The following GDAP2 variants were observed in gnomAD, a reference collection of about 807,000 sequenced individuals.
GDAP2 encodes the protein ganglioside induced differentiation associated protein 2.
In GDAP2, 51 loss-of-function variants were observed where a neutral mutation model predicts 67.0. The observed-to-expected ratio is 0.76, with a 90% CI of 0.61 to 0.96. GDAP2 has a LOEUF of 0.96. Among genes scored for constraint, GDAP2 ranks in the 40% least tolerant of loss-of-function variants. The pLI is 0.00. For missense variants in GDAP2, 547 were observed against 588.3 expected (o/e 0.93, Z 0.73); for synonymous variants, 203 against 207.3 (o/e 0.98, Z 0.18).
In GDAP2 at chr1:117,920,383, TC is replaced by T; in HGVS notation, c.-27del. Reference sequence around the variant, plus strand: ...GGAATGGGAACTTTGATTTGTCTTTTCCCAAAATCCTCAGCAATTCAATATT... The same window carrying T: ...GGAATGGGAACTTTGATTTGTCTTTTCCAAAATCCTCAGCAATTCAATATT... On this transcript the variant is annotated 5_prime_UTR_variant, in exon 2 of 14. Transcript: ENST00000369443. 1 of 1,515,682 alleles carries T rather than the reference TC, an allele frequency of 6.6e-7. No homozygotes were observed. Among genetic ancestry groups the T allele is most frequent in the Non-Finnish European group, 9.0e-7 (1 of 1,109,298 alleles). 93.9% of individuals were successfully genotyped at this position (1,515,682 alleles called of 1,614,324 possible).
intron 2 of GDAP2, 87 bp from the exon 3 acceptor site, chr1:117,918,823 G>A (rs1650141705): frequency 2.7e-6 from 3 of 1,110,798 alleles, no homozygotes; most frequent in Non-Finnish European, 2.6e-6. Flanking sequence ...TTTTATCCTT[G>A]TCTTTTTCAA....
At chr1:117,894,179 G>A (rs181136037) in intron 8 of GDAP2, among the ~76,000 whole-genome samples, 2,068 of 147,008 alleles carry the variant, frequency 0.014, 28 homozygotes, top group Admixed American at 0.031. Context: ...TCTCTCTTTC[G>A]CCCAGGCAGG....
chr1:117,917,737 A>C (rs947497693), intron 3 of GDAP2, among the ~76,000 whole-genome samples: 1 of 152,190 alleles, frequency 6.6e-6, no homozygotes, highest in Non-Finnish European at 1.5e-5. Context: ...TATATTCTTT[A>C]TTATCCATAA....
At chr1:117,927,421 A>T (rs999976703) in intron 1 of GDAP2, among the ~76,000 whole-genome samples, 1 of 152,186 alleles carries the variant, frequency 6.6e-6, no homozygotes, top group Non-Finnish European at 1.5e-5. Context: ...AGAGAGAAAA[A>T]TGGTAACTTT....
chr1:117,906,369 TA>T, intron 6 of GDAP2, 136 bp downstream of exon 6: 1 of 579,554 alleles, frequency 1.7e-6, no homozygotes, highest in Middle Eastern at 3.5e-4. Flanking sequence ...TGAATGATTG[TA>T]AGACCCACTG....
At chr1:117,918,801 T>A in intron 2 of GDAP2, 65 bp from the exon 3 acceptor site, 1 of 1,266,444 alleles carries the variant, frequency 7.9e-7, no homozygotes, top group Non-Finnish European at 1.1e-6. Flanking sequence ...AGTTTCTAAT[T>A]ATTTCAAAAC....
At chr1:117,877,349 A>G in intron 13 of GDAP2, 1 of 982,750 alleles carries the variant, frequency 1.0e-6, no homozygotes. Context: ...ATAAGCAATC[A>G]GCAACAGTTA....
At chr1:117,916,291 T>G (rs1650042094) in intron 3 of GDAP2, among the ~76,000 whole-genome samples, 1 of 152,068 alleles carries the variant, frequency 6.6e-6, no homozygotes, top group Non-Finnish European at 1.5e-5. Flanking sequence ...CAACATCAAG[T>G]GCAAAACTGG....
In GDAP2 at chr1:117,886,665, A is replaced by T; in HGVS notation, c.1031-12T>A. The T allele has an allele frequency of 6.9e-7, 1 of 1,440,794 alleles. No individual in the cohort carries two copies. 89.3% of individuals were successfully genotyped at this position (1,440,794 alleles called of 1,614,324 possible). A position where few individuals can be genotyped will look rare whatever the true frequency, so the allele number is the denominator to read the frequency against. On this transcript the variant is annotated splice_polypyrimidine_tract_variant and intron_variant, in intron 9 of 13. Transcript: ENST00000369443. ...ACAGTTATCAACACCTATAAACAGG[A>T]AATGTCATCAGCACCCAGAAACTTC...
Position 117,881,817 on chromosome 1 carries a change from C to T in GDAP2, c.1302+6G>A, listed in dbSNP as rs1430263133. 2.0e-6 allele frequency: 3 copies of T among 1,472,366 alleles called. No homozygotes were observed. The highest frequency in any genetic ancestry group is 2.3e-5 in the South Asian group (2 of 88,040). 91.2% of individuals were successfully genotyped at this position (1,472,366 alleles called of 1,614,324 possible). ...CTAGATTTAACCAAAGAGAAAAATACTGTACCTTTGAACGAAATGTGGGAT... is the reference window on the plus strand; with the variant it reads ...CTAGATTTAACCAAAGAGAAAAATATTGTACCTTTGAACGAAATGTGGGAT... On this transcript the variant is annotated splice_donor_region_variant and intron_variant, in intron 12 of 13. Coordinates refer to ENST00000369443, the MANE Select transcript of GDAP2 (RefSeq NM_017686.4).
chr1:117,888,085 T>C (rs1226795643), intron 8 of GDAP2, among the ~76,000 whole-genome samples: 12 of 152,198 alleles, frequency 7.9e-5, no homozygotes, highest in Admixed American at 7.9e-4. Flanking sequence ...TAAAATACTA[T>C]TGTTTTCCTT....
chr1:117,891,706 G>C (rs1216045442), intron 8 of GDAP2, among the ~76,000 whole-genome samples: 6 of 151,940 alleles, frequency 3.9e-5, no homozygotes, highest in Non-Finnish European at 7.4e-5. Flanking sequence ...GTTTAAGCTT[G>C]GCTCTACTTT....
intron 6 of GDAP2, among the ~76,000 whole-genome samples, chr1:117,904,280 T>C (rs1649582544): frequency 6.6e-6 from 1 of 152,202 alleles, no homozygotes; most frequent in South Asian, 2.1e-4. Flanking sequence ...TGAGCCATTG[T>C]GTCTTTCTAA....
intron 10 of GDAP2, among the ~76,000 whole-genome samples, chr1:117,884,938 T>C (rs1648797672): frequency 6.6e-6 from 1 of 151,868 alleles, no homozygotes; most frequent in Non-Finnish European, 1.5e-5. Flanking sequence ...CTCTGCATCC[T>C]GGGCTCAAAT....
At chr1:117,884,770 CAG>C (rs1227493938) in intron 10 of GDAP2, among the ~76,000 whole-genome samples, 1 of 151,784 alleles carries the variant, frequency 6.6e-6, no homozygotes, top group East Asian at 1.9e-4. Flanking sequence ...TGATTACAAA[CAG>C]AAACTTACTA....
intron 1 of GDAP2, among the ~76,000 whole-genome samples, chr1:117,921,475 C>T (rs1557811345): frequency 1.3e-5 from 2 of 152,150 alleles, no homozygotes; most frequent in East Asian, 1.9e-4. Context: ...AGAGCAACCA[C>T]ATGAAGCTCT....
chr1:117,896,898 C>T lies in GDAP2; in HGVS notation c.888G>A (p.Lys296=). 1 of 1,612,810 alleles carries T rather than the reference C, an allele frequency of 6.2e-7. No individual in the cohort carries two copies. The highest frequency in any genetic ancestry group is 8.5e-7 in the Non-Finnish European group (1 of 1,179,042). Residue 296 remains lysine, a synonymous_variant, in exon 8 of 14, where the codon AAG becomes AAA. Coordinates refer to ENST00000369443, the MANE Select transcript of GDAP2 (RefSeq NM_017686.4). ...GTCCCTGAAGGATCAGTTTTCTTTG[C>T]TTGTCAATATCTCCTTCCATTCGAG... The part of the protein sequence containing the change: ...AFARMEGDID[K]QRKLILQGQL...
Position 117,879,330 on chromosome 1 carries a change from C to T in GDAP2, c.1303-1178G>A, listed in dbSNP as rs1032250331. 3.9e-5 allele frequency among the ~76,000 whole-genome samples: 6 copies of T among 152,190 alleles called. No homozygotes were observed. In the South Asian group the frequency reaches 1.2e-3, roughly 32 times the overall value. ...GTCCCATTTGCTAACACAGAAAACA[C>T]AAATAGCAGTTCAGGAATAGGTGGA... On this transcript the variant is annotated intron_variant, in intron 12 of 13. Transcript: ENST00000369443.
In GDAP2 at chr1:117,923,667, C is replaced by T. The variant is rs1012201897; in HGVS notation, c.-67-3243G>A. Among the ~76,000 whole-genome samples the T allele has an allele frequency of 7.2e-5, 11 of 152,302 alleles. No homozygotes were observed. The East Asian group carries it at 2.1e-3, about 29-fold the overall frequency. ...AATGAGCTATTATGAAGGGAACACC[C>T]CTAGAACCACCACCAAAGTCAGGAG... On this transcript the variant is annotated intron_variant, in intron 1 of 13. Transcript: ENST00000369443.
Sources: allele counts gnomAD v4.1 joint callset (sites outside exome capture counted in the v4.1 genomes callset), GRCh38; gene constraint gnomAD v4.1.1; transcripts MANE v1.5; gene names NCBI Gene and HGNC (gene_info 2026-07-23, HGNC 2026-07-21).